The following ADCY8 variants were observed in gnomAD, a reference collection of about 807,000 sequenced individuals.
ADCY8 encodes adenylate cyclase 8, also known as adenylate cyclase type 8.
Under a neutral mutation model 119.7 loss-of-function variants are expected in ADCY8, and 51 were observed. The observed-to-expected ratio is 0.43, with a 90% CI of 0.34 to 0.54. ADCY8 has a LOEUF of 0.54. ADCY8 is among the 20% of genes least tolerant of loss of function. ADCY8 has a pLI of 0.03. For synonymous variants in ADCY8, 665 were observed against 651.0 expected (o/e 1.02, Z -0.33); for missense variants, 1,383 against 1,598.8 (o/e 0.87, Z 2.30).
At position 130,943,348 on chromosome 8, in the gene ADCY8, C is replaced by G. The variant is rs1821013142; in HGVS notation, c.1353+3G>C. The G allele has an allele frequency of 1.2e-6, 2 of 1,609,068 alleles. No individual in the cohort carries two copies. Among genetic ancestry groups the G allele is most frequent in the Non-Finnish European group, 8.5e-7 (1 of 1,175,658 alleles). On this transcript the variant is annotated splice_donor_region_variant and intron_variant, in intron 4 of 17. Transcript: ENST00000286355. ...GACGAGGAGGAAATTAAATTCAACT[C>G]ACATGGGCCAGTCGATCAAATCTGG...
At chr8:130,964,084 C>T (rs769055559) in intron 2 of ADCY8, among the ~76,000 whole-genome samples, 57 of 152,164 alleles carry the variant, frequency 3.7e-4, no homozygotes, top group Non-Finnish European at 6.6e-4. Context: ...ATGAAGTTCC[C>T]CCAAGTCCTC....
At chr8:131,031,191 T>C (rs1431069329) in intron 1 of ADCY8, among the ~76,000 whole-genome samples, 1 of 152,220 alleles carries the variant, frequency 6.6e-6, no homozygotes, top group Admixed American at 6.5e-5. Context: ...CCCTGATGGA[T>C]TGTTGCACAG....
intron 7 of ADCY8, among the ~76,000 whole-genome samples, 179 bp from the exon 8 acceptor site, chr8:130,884,940 C>T (rs1563712129): frequency 6.6e-6 from 1 of 152,116 alleles, no homozygotes; most frequent in Non-Finnish European, 1.5e-5. Context: ...TACAACCTGG[C>T]AAAATATCAC....
chr8:130,985,853 C>T (rs1293708117), intron 2 of ADCY8, among the ~76,000 whole-genome samples: 2 of 152,126 alleles, frequency 1.3e-5, no homozygotes, highest in Non-Finnish European at 2.9e-5. Context: ...TGCTTTAATA[C>T]AGCTAAAACA....
intron 1 of ADCY8, among the ~76,000 whole-genome samples, chr8:130,993,782 T>A (rs1457457714): frequency 6.6e-6 from 1 of 152,218 alleles, no homozygotes; most frequent in Non-Finnish European, 1.5e-5. Flanking sequence ...CTTTATAAAT[T>A]ACCCAGTCTC....
intron 1 of ADCY8, among the ~76,000 whole-genome samples, chr8:130,995,641 C>G (rs561315970): frequency 6.6e-6 from 1 of 152,152 alleles, no homozygotes; most frequent in South Asian, 2.1e-4. Flanking sequence ...AATGTCATCT[C>G]CTCTTCTTCG....
chr8:130,836,144 G>A, intron 12 of ADCY8, 133 bp downstream of exon 12: 1 of 996,198 alleles, frequency 1.0e-6, no homozygotes, highest in Non-Finnish European at 1.4e-6. Flanking sequence ...ACTACAGAAT[G>A]CCTGATTTGA....
At chr8:130,958,857 A>G (rs572026629) in intron 2 of ADCY8, among the ~76,000 whole-genome samples, 5 of 151,932 alleles carry the variant, frequency 3.3e-5, no homozygotes, top group African/African-American at 1.2e-4. Context: ...TTAATTTTCT[A>G]TATATTTTAT....
At chr8:130,906,687 A>G (rs1819797516) in intron 6 of ADCY8, among the ~76,000 whole-genome samples, 2 of 152,086 alleles carry the variant, frequency 1.3e-5, no homozygotes, top group South Asian at 4.1e-4. Context: ...ATTTCTTTCT[A>G]AGGAAATGAG....
chr8:130,926,250 T>C (rs1041654377), intron 5 of ADCY8, among the ~76,000 whole-genome samples: 5 of 151,960 alleles, frequency 3.3e-5, no homozygotes, highest in Non-Finnish European at 5.9e-5. Flanking sequence ...CACACATACA[T>C]GTGGCTTTTG....
At chr8:130,813,768 T>A (rs1355155972) in intron 14 of ADCY8, among the ~76,000 whole-genome samples, 1 of 152,180 alleles carries the variant, frequency 6.6e-6, no homozygotes, top group Non-Finnish European at 1.5e-5. Context: ...TGTGTATATA[T>A]ACATACATAC....
intron 5 of ADCY8, 43 bp downstream of exon 5, chr8:130,937,030 G>T: frequency 6.3e-7 from 1 of 1,579,782 alleles, no homozygotes; most frequent in East Asian, 2.3e-5. Context: ...CTGTGATCGT[G>T]CACATTGAAG....
chr8:130,880,328 T>C (rs1818723445), intron 8 of ADCY8, among the ~76,000 whole-genome samples: 1 of 152,188 alleles, frequency 6.6e-6, no homozygotes, highest in Admixed American at 6.5e-5. Flanking sequence ...GAGATTTCAT[T>C]TTTTTCTTTT....
chr8:130,886,477 C>T (rs1818987937), intron 7 of ADCY8, among the ~76,000 whole-genome samples: 1 of 152,128 alleles, frequency 6.6e-6, no homozygotes. Context: ...ATTAGTGCAG[C>T]ATCCCAGAGA....
intron 2 of ADCY8, among the ~76,000 whole-genome samples, chr8:130,958,242 AG>A (rs1177114686): frequency 3.9e-5 from 6 of 152,258 alleles, no homozygotes; most frequent in Non-Finnish European, 8.8e-5. Context: ...TTTATAAGCA[AG>A]TGGGTAGTAA....
At chr8:130,781,015 C>A (rs1815062730) in intron 17 of ADCY8, 138 bp from the exon 18 acceptor site, 1 of 1,146,294 alleles carries the variant, frequency 8.7e-7, no homozygotes, top group Non-Finnish European at 1.2e-6. Context: ...TGCCCCCAGT[C>A]ACTTATTAGA....
intron 5 of ADCY8, among the ~76,000 whole-genome samples, chr8:130,913,733 C>G (rs1586565591): frequency 6.6e-6 from 1 of 152,098 alleles, no homozygotes; most frequent in South Asian, 2.1e-4. Context: ...CTGTTTTAAG[C>G]ACTGAGATTT....
At chr8:130,816,434 T>TTTC (rs1313486622) in intron 13 of ADCY8, among the ~76,000 whole-genome samples, 1 of 146,510 alleles carries the variant, frequency 6.8e-6, no homozygotes, top group Non-Finnish European at 1.5e-5. Flanking sequence ...TTTCTTTTTT[T>TTTC]TTTTTTTTTG....
chr8:130,921,536 C>T (rs761712342), intron 5 of ADCY8, among the ~76,000 whole-genome samples: 4 of 151,290 alleles, frequency 2.6e-5, no homozygotes, highest in Non-Finnish European at 5.9e-5. Context: ...TCACCACAAC[C>T]TCTGCCTCCC....
Sources: gnomAD v4.1 joint callset for allele counts (sites outside exome capture counted in the v4.1 genomes callset) on GRCh38, gnomAD v4.1.1 for gene constraint, MANE v1.5 for transcripts, NCBI Gene and HGNC (gene_info 2026-07-23, HGNC 2026-07-21) for gene names.